DNAJC5B: variants seen among roughly 807,000 people sequenced by gnomAD.
The protein encoded by DNAJC5B is dnaJ homolog subfamily C member 5B.
A neutral mutation model predicts 24.7 loss-of-function variants in DNAJC5B; 23 were observed. The ratio of observed to expected loss-of-function variants is 0.93; its 90% CI spans 0.67 to 1.32. DNAJC5B has a LOEUF of 1.32. Among genes scored for constraint, DNAJC5B ranks in the 40% most tolerant of loss-of-function variants. The pLI, the probability that DNAJC5B is intolerant of heterozygous loss-of-function variation, is 0.00. For missense variants in DNAJC5B, 238 were observed against 240.8 expected (o/e 0.99, Z 0.08); for synonymous variants, 101 against 90.1 (o/e 1.12, Z -0.68).
chr8:66,068,128 T>A (rs1440782180), intron 3 of DNAJC5B, among the ~76,000 whole-genome samples: 1 of 152,210 alleles, frequency 6.6e-6, no homozygotes, highest in Non-Finnish European at 1.5e-5. Flanking sequence ...ATCTTCTTAG[T>A]CCTCAAATTA....
chr8:66,015,138 A>T, the DNAJC5B span, among the ~76,000 whole-genome samples: 2 of 152,184 alleles, frequency 1.3e-5, no homozygotes, highest in East Asian at 3.8e-4. Context: ...CACATAATCC[A>T]TTCCCCGATA....
At chr8:66,089,197 G>T (rs887106316) in intron 5 of DNAJC5B, among the ~76,000 whole-genome samples, 1 of 152,202 alleles carries the variant, frequency 6.6e-6, no homozygotes, top group Admixed American at 6.5e-5. Flanking sequence ...AGGAGACAGA[G>T]GAGTGAGTGA....
intron 3 of DNAJC5B, among the ~76,000 whole-genome samples, chr8:66,066,966 A>G (rs940232110): frequency 5.9e-5 from 9 of 151,626 alleles, no homozygotes; most frequent in Non-Finnish European, 1.2e-4. Flanking sequence ...CAGTGAAGAA[A>G]TTTTTAAAAA....
chr8:66,060,051 C>T (rs1226783857), intron 3 of DNAJC5B, among the ~76,000 whole-genome samples: 5 of 152,208 alleles, frequency 3.3e-5, no homozygotes. Context: ...CTCCTTTCCT[C>T]CTCTTTGTGA....
chr8:66,088,203 C>T (rs1014135058), intron 5 of DNAJC5B, among the ~76,000 whole-genome samples: 5 of 152,248 alleles, frequency 3.3e-5, no homozygotes, highest in Non-Finnish European at 7.3e-5. Flanking sequence ...GAGGCACCCT[C>T]TGAAGCAATA....
chr8:66,093,273 A>T (rs1182744456), intron 5 of DNAJC5B, among the ~76,000 whole-genome samples: 1 of 152,170 alleles, frequency 6.6e-6, no homozygotes, highest in Non-Finnish European at 1.5e-5. Flanking sequence ...GCAATTACTT[A>T]GTCAAAGGAT....
intron 3 of DNAJC5B, among the ~76,000 whole-genome samples, chr8:66,062,387 T>A (rs897204269): frequency 5.3e-5 from 8 of 152,054 alleles, no homozygotes; most frequent in African/African-American, 1.9e-4. Flanking sequence ...GACCTTCAAG[T>A]GAAAAGTAGT....
At chr8:66,033,696 G>A (rs987060143) in intron 1 of DNAJC5B, among the ~76,000 whole-genome samples, 1 of 150,482 alleles carries the variant, frequency 6.6e-6, no homozygotes, top group Admixed American at 6.6e-5. Flanking sequence ...ACTTCCACAA[G>A]GAAACACAAT....
chr8:66,053,416 G>T (rs1806894478), intron 3 of DNAJC5B, among the ~76,000 whole-genome samples: 1 of 151,948 alleles, frequency 6.6e-6, no homozygotes, highest in African/African-American at 2.4e-5. Flanking sequence ...TGATTAAACT[G>T]TTTTCCAACT....
At chr8:66,085,497 C>T (rs370117259) in intron 5 of DNAJC5B, among the ~76,000 whole-genome samples, 3 of 152,080 alleles carry the variant, frequency 2.0e-5, no homozygotes, top group Non-Finnish European at 4.4e-5. Flanking sequence ...TGTGTGAACC[C>T]GGGAGGTGGA....
chr8:66,094,748 C>T (rs905336918), intron 5 of DNAJC5B, among the ~76,000 whole-genome samples: 1 of 151,892 alleles, frequency 6.6e-6, no homozygotes, highest in African/African-American at 2.4e-5. Flanking sequence ...GTAGGTTTGC[C>T]GTAGGTTTTT....
At chr8:66,093,695 A>G (rs1807893977) in intron 5 of DNAJC5B, among the ~76,000 whole-genome samples, 1 of 152,078 alleles carries the variant, frequency 6.6e-6, no homozygotes, top group Non-Finnish European at 1.5e-5. Context: ...TCTTTATGGC[A>G]TTTTTTGATG....
chr8:66,022,703 C>T (rs1212741098), intron 1 of DNAJC5B, among the ~76,000 whole-genome samples: 1 of 152,226 alleles, frequency 6.6e-6, no homozygotes, highest in Non-Finnish European at 1.5e-5. Flanking sequence ...TACTCTCACA[C>T]TCTATGAAAG....
intron 3 of DNAJC5B, among the ~76,000 whole-genome samples, chr8:66,071,750 C>T (rs1028727264): frequency 4.6e-5 from 7 of 152,056 alleles, no homozygotes; most frequent in African/African-American, 1.7e-4. Context: ...CACATGCACA[C>T]GTAAGTTTAT....
At chr8:66,015,928 T>C in the DNAJC5B span, among the ~76,000 whole-genome samples, 21 of 152,196 alleles carry the variant, frequency 1.4e-4, no homozygotes, top group African/African-American at 4.3e-4. Context: ...AACTGCCCTG[T>C]GCTGAGGGCA....
At chr8:66,018,935 C>T (rs1485737565), upstream of DNAJC5B, among the ~76,000 whole-genome samples, 2 of 152,206 alleles carry the variant, frequency 1.3e-5, no homozygotes, top group African/African-American at 2.4e-5. Flanking sequence ...CTGCAGAGTG[C>T]CTGCTTCTGA....
At chr8:66,035,197 A>G (rs1472088177) in intron 1 of DNAJC5B, among the ~76,000 whole-genome samples, 1 of 152,178 alleles carries the variant, frequency 6.6e-6, no homozygotes, top group African/African-American at 2.4e-5. Context: ...TGCCCCCACC[A>G]TCCCTGGAAA....
intron 3 of DNAJC5B, among the ~76,000 whole-genome samples, chr8:66,058,412 C>G (rs1482756328): frequency 1.3e-5 from 2 of 152,156 alleles, no homozygotes; most frequent in Admixed American, 6.5e-5. Context: ...ATGTCCTGAT[C>G]CCAAACTCCT....
At chr8:66,048,703 A>G (rs1586079528) in intron 2 of DNAJC5B, among the ~76,000 whole-genome samples, 1 of 152,296 alleles carries the variant, frequency 6.6e-6, no homozygotes, top group African/African-American at 2.4e-5. Context: ...ACTGGCCACC[A>G]AGACCATACA....
Sources: allele counts gnomAD v4.1 joint callset (sites outside exome capture counted in the v4.1 genomes callset), GRCh38; gene constraint gnomAD v4.1.1; transcripts MANE v1.5; gene names NCBI Gene and HGNC (gene_info 2026-07-23, HGNC 2026-07-21).